The following CA8 variants were observed in gnomAD, a reference collection of about 807,000 sequenced individuals.
CA8 encodes the protein carbonic anhydrase-related protein.
In CA8, 22 loss-of-function variants were observed where a neutral mutation model predicts 41.4. That is an observed-to-expected ratio of 0.53 (90% CI 0.38 to 0.76). CA8 has a LOEUF of 0.76. Ranked by LOEUF, CA8 falls within the 30% of genes least tolerant of loss-of-function variation. The pLI is 0.00. For missense variants in CA8, 270 were observed against 352.8 expected, an observed-to-expected ratio of 0.77 and a Z score of 1.88; for synonymous variants, 121 against 130.6, an observed-to-expected ratio of 0.93 and a Z score of 0.50.
intron 3 of CA8, among the ~76,000 whole-genome samples, chr8:60,245,060 T>C (rs1311916938): frequency 6.6e-6 from 1 of 152,234 alleles, no homozygotes; most frequent in East Asian, 1.9e-4. Context: ...GGCATGTGTC[T>C]GGCAAACATA....
rs1808305428 is a variant in CA8, at chr8:60,247,864, CACA to C, written c.418-15488_418-15486del. Among the ~76,000 whole-genome samples, 3 of 152,354 alleles carry C rather than the reference CACA, an allele frequency of 2.0e-5. No individual in the cohort carries two copies. In the South Asian group the frequency reaches 6.2e-4, roughly 32 times the overall value. ...CACAATGGTTGAACTAATTTACATT[CACA>C]ACAACAGCATAAAAGCATTCTTGTT... is the stretch of plus-strand genomic sequence containing the variant. On this transcript the variant is annotated intron_variant, in intron 3 of 8. Transcript: ENST00000317995.
intron 7 of CA8, among the ~76,000 whole-genome samples, chr8:60,213,893 T>C (rs1223211341): frequency 6.6e-6 from 1 of 152,134 alleles, no homozygotes; most frequent in Non-Finnish European, 1.5e-5. Flanking sequence ...TCTCGGGTTA[T>C]AGCGCTGATC....
chr8:60,215,834 T>C (rs553009118), intron 7 of CA8, among the ~76,000 whole-genome samples: 2 of 152,302 alleles, frequency 1.3e-5, no homozygotes, highest in African/African-American at 2.4e-5. Flanking sequence ...TCACAGCTAC[T>C]ATGCATTTAA....
chr8:60,190,523 G>A (rs1806089934), intron 8 of CA8, among the ~76,000 whole-genome samples: 1 of 141,916 alleles, frequency 7.0e-6, no homozygotes, highest in African/African-American at 2.6e-5. Flanking sequence ...TTCTCATATA[G>A]GAAAACAACA....
intron 2 of CA8, among the ~76,000 whole-genome samples, chr8:60,269,071 A>C (rs1803987470): frequency 6.6e-6 from 1 of 152,204 alleles, no homozygotes; most frequent in Non-Finnish European, 1.5e-5. Context: ...TGCCATAAAA[A>C]ATGACAAAAT....
intron 5 of CA8, 109 bp from the exon 6 acceptor site, chr8:60,224,694 T>G (rs1450650340): frequency 1.4e-6 from 1 of 716,628 alleles, no homozygotes; most frequent in East Asian, 2.7e-5. Flanking sequence ...CTGAATGGCC[T>G]CATCAGGTCC....
intron 4 of CA8, among the ~76,000 whole-genome samples, chr8:60,230,499 A>G (rs1221667722): frequency 1.3e-5 from 2 of 151,892 alleles, no homozygotes; most frequent in African/African-American, 2.4e-5. Context: ...AGTCTACTCA[A>G]TGTCTCCGAC....
At chr8:60,194,847 T>C (rs1413185622) in intron 8 of CA8, among the ~76,000 whole-genome samples, 3 of 152,154 alleles carry the variant, frequency 2.0e-5, no homozygotes, top group African/African-American at 4.8e-5. Context: ...TGTGAGGCAA[T>C]GCACTTAAAA....
Position 60,244,548 on chromosome 8 carries a change from G to C in CA8, c.418-12169C>G, listed in dbSNP as rs189699358. Among the ~76,000 whole-genome samples the C allele has an allele frequency of 4.6e-5, 7 of 152,250 alleles. No homozygotes were observed. The East Asian group carries it at 1.4e-3, about 29-fold the overall frequency. ...CTTTTTAGTAATAAGCATGCACATAGAGCAATTTTAATTGGGTTTAAAATT... is the reference window on the plus strand; with the variant it reads ...CTTTTTAGTAATAAGCATGCACATACAGCAATTTTAATTGGGTTTAAAATT... On this transcript the variant is annotated intron_variant, in intron 3 of 8. Transcript: ENST00000317995.
chr8:60,240,399 G>A (rs778371888), intron 3 of CA8, among the ~76,000 whole-genome samples: 20 of 152,218 alleles, frequency 1.3e-4, no homozygotes, highest in South Asian at 4.1e-4. Flanking sequence ...TCAGAAAACA[G>A]ACATTAGAAG....
At chr8:60,211,309 G>A (rs527444462) in intron 7 of CA8, among the ~76,000 whole-genome samples, 5 of 152,286 alleles carry the variant, frequency 3.3e-5, no homozygotes, top group African/African-American at 9.6e-5. Context: ...TAAATATTTA[G>A]CTACAGTTGT....
At chr8:60,208,540 AT>A (rs1185807147) in intron 8 of CA8, 5 of 561,980 alleles carry the variant, frequency 8.9e-6, no homozygotes, top group Admixed American at 6.2e-5. Flanking sequence ...TGATAGGAAA[AT>A]ATAATCATAG....
intron 3 of CA8, among the ~76,000 whole-genome samples, chr8:60,243,595 T>C (rs1395417139): frequency 6.6e-6 from 1 of 152,120 alleles, no homozygotes; most frequent in Admixed American, 6.5e-5. Flanking sequence ...TTAGTGAAAC[T>C]GCTCACCGTC....
intron 7 of CA8, among the ~76,000 whole-genome samples, chr8:60,219,892 T>A (rs1807175553): frequency 7.3e-6 from 1 of 137,350 alleles, no homozygotes; most frequent in South Asian, 2.4e-4. Flanking sequence ...ATTTTCAATA[T>A]GCCTACAAAA....
chr8:60,251,183 C>G (rs556239680), intron 3 of CA8, among the ~76,000 whole-genome samples: 1 of 152,268 alleles, frequency 6.6e-6, no homozygotes, highest in African/African-American at 2.4e-5. Context: ...ATGTGGCTAT[C>G]TGGGGGCAAG....
intron 8 of CA8, among the ~76,000 whole-genome samples, chr8:60,200,221 T>A (rs758445266): frequency 6.6e-6 from 1 of 152,232 alleles, no homozygotes; most frequent in African/African-American, 2.4e-5. Flanking sequence ...GGTGCCTTGA[T>A]CTTGGACTTC....
At position 60,249,742 on chromosome 8, in the gene CA8, T is replaced by C. The variant is rs372110281; in HGVS notation, c.417+16183A>G. On this transcript the variant is annotated intron_variant, in intron 3 of 8. Coordinates refer to ENST00000317995, the MANE Select transcript of CA8 (RefSeq NM_004056.6). ...AGACATGAAGAATATAAACCAACTATGAATGATCATAAAATGTATTATCAG... is the reference window on the plus strand; with the variant it reads ...AGACATGAAGAATATAAACCAACTACGAATGATCATAAAATGTATTATCAG... Among the ~76,000 whole-genome samples the C allele has an allele frequency of 3.9e-5, 6 of 152,306 alleles. No homozygotes were observed. The East Asian group carries it at 5.8e-4, about 15-fold the overall frequency.
intron 8 of CA8, among the ~76,000 whole-genome samples, chr8:60,205,466 A>G (rs1027551116): frequency 6.6e-6 from 1 of 152,288 alleles, no homozygotes; most frequent in Non-Finnish European, 1.5e-5. Context: ...TGGACCTTAA[A>G]CTTGTTATAT....
intron 3 of CA8, among the ~76,000 whole-genome samples, chr8:60,251,639 G>A (rs566414650): frequency 6.6e-6 from 1 of 152,256 alleles, no homozygotes; most frequent in South Asian, 2.1e-4. Context: ...TATTTGGTCA[G>A]CCCAATTTCA....
Sources: gnomAD v4.1 joint callset for allele counts (sites outside exome capture counted in the v4.1 genomes callset) on GRCh38, gnomAD v4.1.1 for gene constraint, MANE v1.5 for transcripts, NCBI Gene and HGNC (gene_info 2026-07-23, HGNC 2026-07-21) for gene names.